Variants in TANC2 observed in about 807,000 individuals in gnomAD.
TANC2 encodes the protein protein TANC2.
In TANC2, 26 loss-of-function variants were observed where a neutral mutation model predicts 210.5. That is an observed-to-expected ratio of 0.12 (90% CI 0.09 to 0.17). The LOEUF (loss-of-function observed/expected upper bound fraction) is 0.17, where lower values mean the gene tolerates loss of function less well. TANC2 is among the 10% of genes least tolerant of loss of function. The pLI is 1.00. For missense variants in TANC2, 2,129 were observed against 2,608.9 expected (o/e 0.82, Z 4.01); for synonymous variants, 931 against 967.1 (o/e 0.96, Z 0.69).
At chr17:63,080,333 A>G (rs1313788647) in intron 3 of TANC2, among the ~76,000 whole-genome samples, 1 of 152,210 alleles carries the variant, frequency 6.6e-6, no homozygotes, top group Non-Finnish European at 1.5e-5. Context: ...TAAGCAACTT[A>G]CTTGGTTCTA....
intron 8 of TANC2, among the ~76,000 whole-genome samples, chr17:63,264,112 A>G (rs1271677896): frequency 6.6e-6 from 1 of 152,192 alleles, no homozygotes; most frequent in Non-Finnish European, 1.5e-5. Context: ...GGCTAACTGG[A>G]CATATTCTTT....
chr17:63,055,982 AAAAAAAAAATATAT>A (rs1225712081), intron 2 of TANC2, among the ~76,000 whole-genome samples: 7 of 34,548 alleles, frequency 2.0e-4, no homozygotes, highest in African/African-American at 5.5e-4. Flanking sequence ...AAAAAAAAAA[AAAAAAAAAATATAT>A]ATATATATAT....
intron 3 of TANC2, among the ~76,000 whole-genome samples, chr17:63,098,889 C>A (rs1049239563): frequency 5.4e-4 from 82 of 152,120 alleles, no homozygotes; most frequent in African/African-American, 1.9e-3. Context: ...TTTCTTTATA[C>A]AACTTATGTG....
At chr17:63,322,214 C>CAT (rs1235953845) in intron 11 of TANC2, among the ~76,000 whole-genome samples, 28 of 152,018 alleles carry the variant, frequency 1.8e-4, no homozygotes, top group Admixed American at 1.8e-3. Context: ...GGTCTCTATC[C>CAT]TCTTCTTTAG....
At chr17:62,975,555 AT>A (rs397857262) in intron 1 of TANC2, among the ~76,000 whole-genome samples, 1,445 of 140,576 alleles carry the variant, frequency 0.01, 8 homozygotes, top group South Asian at 0.021. Context: ...TTTTTTTTTA[AT>A]TTTTTTTTTT....
intron 8 of TANC2, among the ~76,000 whole-genome samples, chr17:63,265,073 T>C (rs975628576): frequency 6.6e-6 from 1 of 152,202 alleles, no homozygotes; most frequent in African/African-American, 2.4e-5. Flanking sequence ...TCGCAACAGT[T>C]TCTGAGCTCT....
intron 9 of TANC2, among the ~76,000 whole-genome samples, chr17:63,304,809 G>A (rs143544912): frequency 8.7e-4 from 133 of 152,256 alleles, no homozygotes; most frequent in African/African-American, 3.1e-3. Flanking sequence ...CTGCAGGGAG[G>A]CCCCGTGCAA....
intron 5 of TANC2, among the ~76,000 whole-genome samples, chr17:63,173,079 A>G (rs747653032): frequency 9.9e-5 from 15 of 152,256 alleles, no homozygotes; most frequent in Middle Eastern, 3.2e-3. Flanking sequence ...CCTAAGATCA[A>G]TCAGTGTGAG....
At chr17:63,419,168 G>T (rs1183191948) in intron 27 of TANC2, among the ~76,000 whole-genome samples, 1 of 152,198 alleles carries the variant, frequency 6.6e-6, no homozygotes, top group African/African-American at 2.4e-5. Flanking sequence ...ATGGCCAGGG[G>T]CACATGGTCC....
intron 21 of TANC2, among the ~76,000 whole-genome samples, chr17:63,410,021 G>A (rs1292112813): frequency 6.6e-6 from 1 of 152,174 alleles, no homozygotes; most frequent in East Asian, 1.9e-4. Context: ...TGCTCAAAAA[G>A]GTTCAGATTG....
At chr17:63,416,129 C>T (rs1300327896) in intron 26 of TANC2, among the ~76,000 whole-genome samples, 4 of 152,166 alleles carry the variant, frequency 2.6e-5, no homozygotes, top group Non-Finnish European at 5.9e-5. Flanking sequence ...CTGAGGCTAT[C>T]GAACTTTTCG....
intron 21 of TANC2, among the ~76,000 whole-genome samples, chr17:63,407,434 C>T (rs1309327128): frequency 2.0e-5 from 3 of 152,226 alleles, no homozygotes; most frequent in African/African-American, 4.8e-5. Context: ...GGCAGGAACT[C>T]TTGAGCCACT....
At chr17:63,099,283 G>A (rs1311775546) in exon 4 of TANC2, 2 of 1,588,816 alleles carry the variant, frequency 1.3e-6, no homozygotes, top group East Asian at 2.3e-5. Context: ...GGCATGTCTC[G>A]CTCTCTTCCA....
chr17:63,237,776 GTGGCTTTATTAAATTCATTT>G lies in TANC2; in HGVS notation c.770-36_770-17del. ...GTCAAAGATTAATAACTGTATGTAT[GTGGCTTTATTAAATTCATTT>G]TACTCTTTTTTTTTCAGCTACATTA... is the stretch of plus-strand genomic sequence containing the variant. On this transcript the variant is annotated intron_variant, in intron 7 of 27. Coordinates refer to ENST00000689528, the Ensembl canonical transcript of TANC2. 1 of 1,506,504 alleles carries G rather than the reference GTGGCTTTATTAAATTCATTT, an allele frequency of 6.6e-7. No homozygotes were observed. The highest frequency in any genetic ancestry group is 1.3e-5 in the South Asian group (1 of 75,248). 93.3% of individuals were successfully genotyped at this position (1,506,504 alleles called of 1,614,324 possible).
At chr17:63,332,570 G>T in intron 11 of TANC2, 1 of 313,684 alleles carries the variant, frequency 3.2e-6, no homozygotes, top group South Asian at 3.1e-5. Flanking sequence ...CACAGGCCCC[G>T]CTGCCTCTAC....
intron 9 of TANC2, among the ~76,000 whole-genome samples, chr17:63,300,552 G>C (rs141555769): frequency 2.0e-5 from 3 of 152,248 alleles, no homozygotes; most frequent in African/African-American, 7.2e-5. Flanking sequence ...TTGTGAATGG[G>C]AGTTCATCCA....
chr17:63,145,159 G>T (rs116389092), intron 4 of TANC2, among the ~76,000 whole-genome samples: 3 of 152,010 alleles, frequency 2.0e-5, no homozygotes, highest in African/African-American at 7.2e-5. Context: ...TTATGTCACC[G>T]TTGAAGCACA....
intron 11 of TANC2, among the ~76,000 whole-genome samples, chr17:63,339,515 C>T (rs2146782962): frequency 6.6e-6 from 1 of 152,288 alleles, no homozygotes; most frequent in South Asian, 2.1e-4. Context: ...TCCTTTCCTT[C>T]TTCCTTTTAT....
intron 5 of TANC2, among the ~76,000 whole-genome samples, chr17:63,181,332 T>G (rs2040776915): frequency 6.6e-6 from 1 of 152,324 alleles, no homozygotes; most frequent in East Asian, 1.9e-4. Flanking sequence ...CCCTGTAGGT[T>G]CAGTTGGCCT....
Sources: allele counts gnomAD v4.1 joint callset (sites outside exome capture counted in the v4.1 genomes callset), GRCh38; gene constraint gnomAD v4.1.1; transcripts MANE v1.5; gene names NCBI Gene and HGNC (gene_info 2026-07-23, HGNC 2026-07-21).